SEMA3E: variants seen among roughly 807,000 people sequenced by gnomAD.
SEMA3E encodes the protein semaphorin-3E.
In SEMA3E, 49 loss-of-function variants were observed where a neutral mutation model predicts 93.6. The ratio of observed to expected loss-of-function variants is 0.52; its 90% CI spans 0.42 to 0.66. The LOEUF is 0.66. SEMA3E is among the 30% of genes least tolerant of loss of function. The pLI is 0.00. For synonymous variants in SEMA3E, 363 were observed against 330.7 expected, an observed-to-expected ratio of 1.10 and a Z score of -1.06; for missense variants, 906 against 964.8, an observed-to-expected ratio of 0.94 and a Z score of 0.81.
intron 4 of SEMA3E, among the ~76,000 whole-genome samples, chr7:83,453,081 G>GCGGCT (rs1759217277): frequency 6.6e-6 from 1 of 152,100 alleles, no homozygotes; most frequent in African/African-American, 2.4e-5. Context: ...AGGCTAGAAT[G>GCGGCT]CAGTGGCGCA....
chr7:83,476,210 A>T (rs1790005449), intron 2 of SEMA3E, among the ~76,000 whole-genome samples: 1 of 152,202 alleles, frequency 6.6e-6, no homozygotes, highest in South Asian at 2.1e-4. Flanking sequence ...TTCTTAGTGA[A>T]GTCAGTCTGT....
At chr7:83,496,113 A>G (rs1790486578) in intron 1 of SEMA3E, among the ~76,000 whole-genome samples, 1 of 151,994 alleles carries the variant, frequency 6.6e-6, no homozygotes. Context: ...AAATACTATT[A>G]TCCCCATTTT....
At chr7:83,599,700 T>G (rs180824531) in intron 1 of SEMA3E, among the ~76,000 whole-genome samples, 1 of 152,140 alleles carries the variant, frequency 6.6e-6, no homozygotes. Context: ...AACTACAGAA[T>G]GGTATGAGCA....
chr7:83,568,358 C>T (rs1358732804), intron 1 of SEMA3E, among the ~76,000 whole-genome samples: 1 of 152,080 alleles, frequency 6.6e-6, no homozygotes, highest in Non-Finnish European at 1.5e-5. Context: ...GGAAGGTATT[C>T]TCCCTAACTC....
At chr7:83,479,555 A>T (rs1790098692) in intron 2 of SEMA3E, among the ~76,000 whole-genome samples, 2 of 152,344 alleles carry the variant, frequency 1.3e-5, no homozygotes, top group South Asian at 2.1e-4. Context: ...TTCAGTTATA[A>T]CAATGAAGAT....
At position 83,549,458 on chromosome 7, in the gene SEMA3E, C is replaced by T. The variant is rs116686344; in HGVS notation, c.116-59184G>A. Among the ~76,000 whole-genome samples, 111 of 152,244 alleles carry T rather than the reference C, an allele frequency of 7.3e-4. 1 individual carries two copies. In the Middle Eastern group the frequency reaches 0.01, roughly 14 times the overall value. ...ATTTGTCACTATTTTCCTTTACACACAAACATGGCTTCTTTAATGATTTAT... is the reference window on the plus strand; with the variant it reads ...ATTTGTCACTATTTTCCTTTACACATAAACATGGCTTCTTTAATGATTTAT... On this transcript the variant is annotated intron_variant, in intron 1 of 16. Coordinates refer to ENST00000643230, the MANE Select transcript of SEMA3E (RefSeq NM_012431.3).
intron 1 of SEMA3E, among the ~76,000 whole-genome samples, chr7:83,541,661 A>G (rs10255137): frequency 0.22 from 33,577 of 152,034 alleles, 3,901 homozygotes; most frequent in East Asian, 0.39. Flanking sequence ...AAGCAGATAG[A>G]AGAACTTTGG....
At chr7:83,372,114 C>T (rs548495922) in intron 16 of SEMA3E, 3 of 393,426 alleles carry the variant, frequency 7.6e-6, no homozygotes, top group South Asian at 1.4e-4. Context: ...TTTTAGAGCA[C>T]AAACATGTAT....
chr7:83,372,326 T>C (rs1301567649), intron 16 of SEMA3E: 2 of 397,882 alleles, frequency 5.0e-6, no homozygotes, highest in African/African-American at 4.1e-5. Flanking sequence ...TTATTGAATA[T>C]GATCTTTTGT....
intron 1 of SEMA3E, among the ~76,000 whole-genome samples, chr7:83,613,163 T>C (rs1793300021): frequency 6.6e-6 from 1 of 152,060 alleles, no homozygotes; most frequent in Admixed American, 6.6e-5. Flanking sequence ...TGAAAAAGCA[T>C]CCTATCACAA....
chr7:83,554,589 T>G lies in SEMA3E; in HGVS notation c.116-64315A>C, dbSNP rs950409809. Among the ~76,000 whole-genome samples, 13 of 152,280 alleles carry G rather than the reference T, an allele frequency of 8.5e-5. No homozygotes were observed. In the East Asian group the frequency reaches 2.5e-3, roughly 29 times the overall value. The stretch of plus-strand genomic sequence containing the variant: ...GTATGTCAACAGTTTCCAAATGTAG[T>G]AATGTAATATCAAAAGAAGAAAAAG... On this transcript the variant is annotated intron_variant, in intron 1 of 16. Coordinates refer to ENST00000643230, the MANE Select transcript of SEMA3E (RefSeq NM_012431.3).
chr7:83,491,550 A>C (rs73707857), intron 1 of SEMA3E, among the ~76,000 whole-genome samples: 5,254 of 152,084 alleles, frequency 0.035, 107 homozygotes, highest in African/African-American at 0.053. Context: ...GTTAGCTTTG[A>C]GATATTGAGT....
intron 4 of SEMA3E, among the ~76,000 whole-genome samples, chr7:83,443,093 A>G (rs1037483930): frequency 6.6e-6 from 1 of 152,202 alleles, no homozygotes; most frequent in Admixed American, 6.5e-5. Context: ...AACAAGTATG[A>G]TAAGAATAGA....
At chr7:83,578,093 G>T (rs908726003) in intron 1 of SEMA3E, among the ~76,000 whole-genome samples, 46 of 151,582 alleles carry the variant, frequency 3.0e-4, no homozygotes, top group South Asian at 1.9e-3. Flanking sequence ...ACCTTCCTAG[G>T]ATTTGGTGAG....
intron 1 of SEMA3E, among the ~76,000 whole-genome samples, chr7:83,520,161 C>T (rs115525054): frequency 1.7e-3 from 260 of 152,182 alleles, no homozygotes; most frequent in African/African-American, 5.8e-3. Context: ...GATTCTGCAC[C>T]ACAGATCTTG....
intron 1 of SEMA3E, among the ~76,000 whole-genome samples, chr7:83,634,859 A>AT (rs1342558892): frequency 2.0e-5 from 3 of 152,042 alleles, no homozygotes; most frequent in Non-Finnish European, 2.9e-5. Context: ...TTTCTTTCTC[A>AT]TATTAATGGA....
chr7:83,409,971 A>G (rs1170076145), intron 5 of SEMA3E, among the ~76,000 whole-genome samples: 1 of 151,684 alleles, frequency 6.6e-6, no homozygotes, highest in Non-Finnish European at 1.5e-5. Flanking sequence ...TTTAAAGGTA[A>G]AGATGATTGC....
intron 4 of SEMA3E, among the ~76,000 whole-genome samples, chr7:83,418,893 T>C (rs1001366661): frequency 6.6e-6 from 1 of 151,142 alleles, no homozygotes; most frequent in Non-Finnish European, 1.5e-5. Flanking sequence ...GATTTTTTTA[T>C]AAATTAGATT....
intron 1 of SEMA3E, among the ~76,000 whole-genome samples, chr7:83,641,140 T>C (rs1459839785): frequency 6.6e-6 from 1 of 152,214 alleles, no homozygotes; most frequent in Admixed American, 6.5e-5. Context: ...ACATATGTTA[T>C]GCTAAAGGGG....
Sources: allele counts gnomAD v4.1 joint callset (sites outside exome capture counted in the v4.1 genomes callset), GRCh38; gene constraint gnomAD v4.1.1; transcripts MANE v1.5; gene names NCBI Gene and HGNC (gene_info 2026-07-23, HGNC 2026-07-21).